ZNF469: variants seen among roughly 807,000 people sequenced by gnomAD.
ZNF469 encodes zinc finger protein 469.
In ZNF469, 1 loss-of-function variant was observed where a neutral mutation model predicts 1.0. That is an observed-to-expected ratio of 1.00 (90% CI 0.35 to 4.73). The LOEUF (loss-of-function observed/expected upper bound fraction) is 4.73. ZNF469 is among the 30% of genes most tolerant of loss of function. The probability of loss-of-function intolerance (pLI) is 0.16; values close to 1 mark genes in which losing one functional copy is unlikely to be tolerated. For missense variants in ZNF469, 6,100 were observed against 5,356.3 expected (o/e 1.14, Z -4.33); for synonymous variants, 2,703 against 2,363.4 (o/e 1.14, Z -4.17).
the ZNF469 span, among the ~76,000 whole-genome samples, chr16:88,184,805 C>T: frequency 0.025 from 3,877 of 152,306 alleles, 158 homozygotes; most frequent in African/African-American, 0.088. Context: ...GCTGCAAGTG[C>T]TGCCAGGGTG....
the ZNF469 span, among the ~76,000 whole-genome samples, chr16:88,208,261 C>G: frequency 6.6e-6 from 1 of 152,020 alleles, no homozygotes; most frequent in South Asian, 2.1e-4. Context: ...AGAGATATCT[C>G]AAGCTCATCT....
the ZNF469 span, among the ~76,000 whole-genome samples, chr16:88,152,223 C>T: frequency 3.1e-4 from 47 of 152,350 alleles, no homozygotes; most frequent in African/African-American, 1.1e-3. The surrounding 1 kb of genome is among the most constrained non-coding windows in gnomAD (Gnocchi z 4.2). Flanking sequence ...CACCATTTGG[C>T]TAAGATTCTG....
At chr16:88,214,278 A>T in the ZNF469 span, among the ~76,000 whole-genome samples, 1 of 152,204 alleles carries the variant, frequency 6.6e-6, no homozygotes, top group Non-Finnish European at 1.5e-5. Flanking sequence ...CCCCATCTGC[A>T]GTTTGCTCAC....
the ZNF469 span, among the ~76,000 whole-genome samples, chr16:88,301,058 G>A: frequency 1.3e-5 from 2 of 151,796 alleles, no homozygotes; most frequent in Admixed American, 1.3e-4. Flanking sequence ...GAGCGAGACT[G>A]TCTCAAAAAA....
chr16:88,175,194 G>C, the ZNF469 span, among the ~76,000 whole-genome samples: 1 of 152,124 alleles, frequency 6.6e-6, no homozygotes, highest in Non-Finnish European at 1.5e-5. Flanking sequence ...CAAAATCCCC[G>C]CACAGCAGCA....
At chr16:88,115,662 C>T in the ZNF469 span, among the ~76,000 whole-genome samples, 100 of 116,698 alleles carry the variant, frequency 8.6e-4, no homozygotes, top group Middle Eastern at 3.9e-3. Flanking sequence ...GAGCCGTACT[C>T]CCTCTGGAGG....
In ZNF469 at chr16:88,437,350, A is replaced by G. The variant is rs1906662526; in HGVS notation, c.9880A>G (p.Thr3294Ala). The change falls in exon 3 of 3, where the codon ACC (threonine) becomes GCC (alanine). Residue 3294 changes from threonine (T) to alanine (A), a missense_variant. Transcript: ENST00000565624. ...CGCGACCCCAGACAGCGCCTCTGCC[A>G]CCGCCCTGGCTGACGCCGGCAGCCC... The part of the protein sequence containing the change: ...GAATPDSASA[T>A]ALADAGSPGP... 3 of 1,543,542 alleles carry G rather than the reference A, an allele frequency of 1.9e-6. No individual in the cohort carries two copies. In the South Asian group the frequency reaches 3.6e-5, roughly 18 times the overall value.
At chr16:88,339,834 AG>A in the ZNF469 span, among the ~76,000 whole-genome samples, 7 of 28,184 alleles carry the variant, frequency 2.5e-4, no homozygotes, top group Admixed American at 3.2e-3. Flanking sequence ...GCAGGATGGC[AG>A]GGGGATGGGG....
At chr16:88,343,928 C>T in the ZNF469 span, among the ~76,000 whole-genome samples, 7 of 152,120 alleles carry the variant, frequency 4.6e-5, no homozygotes, top group South Asian at 2.1e-4. Context: ...CTGACAAACA[C>T]GACCTCGGCC....
chr16:88,296,456 T>TCC, the ZNF469 span, among the ~76,000 whole-genome samples: 94 of 136,960 alleles, frequency 6.9e-4, no homozygotes, highest in African/African-American at 2.7e-3. Flanking sequence ...ATGCTCACCC[T>TCC]CCCCCCCACA....
chr16:88,109,947 T>C, the ZNF469 span, among the ~76,000 whole-genome samples: 1 of 152,180 alleles, frequency 6.6e-6, no homozygotes, highest in Non-Finnish European at 1.5e-5. Context: ...TGTGAGTGGG[T>C]GGCACAGGAG....
At chr16:88,202,986 C>G in the ZNF469 span, among the ~76,000 whole-genome samples, 1 of 152,120 alleles carries the variant, frequency 6.6e-6, no homozygotes, top group African/African-American at 2.4e-5. Context: ...GCAGGCAGCC[C>G]CCACCGAATC....
At chr16:88,359,561 C>T in the ZNF469 span, among the ~76,000 whole-genome samples, 9 of 152,328 alleles carry the variant, frequency 5.9e-5, no homozygotes, top group African/African-American at 4.8e-5. Context: ...CGTTGGCTAT[C>T]GGGATAGCCT....
At chr16:88,338,977 C>G in the ZNF469 span, among the ~76,000 whole-genome samples, 1 of 151,818 alleles carries the variant, frequency 6.6e-6, no homozygotes, top group Non-Finnish European at 1.5e-5. Flanking sequence ...TCTGGAAGCC[C>G]CAGAGAACCC....
the ZNF469 span, among the ~76,000 whole-genome samples, chr16:88,198,601 A>G: frequency 1.3e-5 from 2 of 152,342 alleles, no homozygotes; most frequent in Admixed American, 6.5e-5. Flanking sequence ...GTGACAGGGC[A>G]GGCCCACCTG....
At chr16:88,273,980 T>C in the ZNF469 span, among the ~76,000 whole-genome samples, 20 of 152,314 alleles carry the variant, frequency 1.3e-4, no homozygotes, top group African/African-American at 3.8e-4. Context: ...ATTTTTTGTA[T>C]TTTTAGTAGA....
the ZNF469 span, among the ~76,000 whole-genome samples, chr16:88,181,392 T>C: frequency 6.6e-6 from 1 of 152,216 alleles, no homozygotes; most frequent in Admixed American, 6.5e-5. Context: ...TTTTTACAAA[T>C]GCACATGGAG....
chr16:88,134,820 G>A, the ZNF469 span, among the ~76,000 whole-genome samples: 5 of 152,192 alleles, frequency 3.3e-5, no homozygotes, highest in African/African-American at 9.7e-5. Context: ...GATTGCCAGT[G>A]TATATTATTT....
At position 88,438,755 on chromosome 16, in the gene ZNF469, C is replaced by T. The variant is rs1251334792; in HGVS notation, c.11285C>T (p.Ala3762Val). The T allele has an allele frequency of 6.5e-7, 1 of 1,550,096 alleles. No homozygotes were observed. The highest frequency in any genetic ancestry group is 8.7e-7 in the Non-Finnish European group (1 of 1,146,884). The change falls in exon 3 of 3, where the codon GCC becomes GTC. Residue 3762 changes from alanine (A) to valine (V), a missense_variant. By Grantham distance (64) the Ala-to-Val change is moderately conservative. Coordinates refer to ENST00000565624, the MANE Select transcript of ZNF469 (RefSeq NM_001367624.2). Reference sequence around the variant, plus strand: ...AGCGGGCAGCTCCAGAGCGAGACAGCCACCACCCCAGCCAAGCCCAGCTTC... The same window carrying T: ...AGCGGGCAGCTCCAGAGCGAGACAGTCACCACCCCAGCCAAGCCCAGCTTC... ...PASGQLQSET[A>V]TTPAKPSFPS...
Sources: gnomAD v4.1 joint callset for allele counts (sites outside exome capture counted in the v4.1 genomes callset) on GRCh38, gnomAD v4.1.1 for gene constraint, Gnocchi (gnomAD v3.1) non-coding constraint, MANE v1.5 for transcripts, NCBI Gene and HGNC (gene_info 2026-07-23, HGNC 2026-07-21) for gene names.